RAB8A: variants seen among roughly 807,000 people sequenced by gnomAD.
The protein encoded by RAB8A is ras-related protein Rab-8A.
RAB8A carries 5 observed loss-of-function variants against 29.2 expected under a neutral mutation model. The observed-to-expected ratio is 0.17, with a 90% CI of 0.09 to 0.36. The LOEUF (loss-of-function observed/expected upper bound fraction) is 0.36, where lower values mean the gene tolerates loss of function less well. Among genes scored for constraint, RAB8A ranks in the 10% least tolerant of loss-of-function variants. RAB8A has a pLI of 1.00. For missense variants in RAB8A, 171 were observed against 272.2 expected (o/e 0.63, Z 2.62); for synonymous variants, 108 against 99.9 (o/e 1.08, Z -0.49).
rs2090897331 is a variant in RAB8A, at chr19:16,125,669, G to C, written c.324+122G>C. ...CAGGCCACTTGCCCACAGCCTCCTA[G>C]TCAGGGACATGGTGGGAGCAGGGAC... On this transcript the variant is annotated intron_variant, in intron 4 of 7. Coordinates refer to ENST00000300935, the MANE Select transcript of RAB8A (RefSeq NM_005370.5). The surrounding 1 kb of genome is among the most constrained non-coding windows in gnomAD (Gnocchi z 5.0). 2 of 935,550 alleles carry C rather than the reference G, an allele frequency of 2.1e-6. No homozygotes were observed. The highest frequency in any genetic ancestry group is 1.4e-5 in the South Asian group (1 of 71,384). 58.0% of individuals were successfully genotyped at this position (935,550 alleles called of 1,614,324 possible). A position where few individuals can be genotyped will look rare whatever the true frequency, so the allele number is the denominator to read the frequency against.
rs781537326 is a variant in RAB8A, at chr19:16,132,175, C to T, written c.532-37C>T. The T allele has an allele frequency of 1.3e-6, 2 of 1,496,654 alleles. No homozygotes were observed. The highest frequency in any genetic ancestry group is 4.5e-5 in the East Asian group (2 of 44,324). 92.7% of individuals were successfully genotyped at this position (1,496,654 alleles called of 1,614,324 possible). On this transcript the variant is annotated intron_variant, in intron 7 of 7. Transcript: ENST00000300935. This position sits in a 1 kb window ranked among gnomAD's most constrained non-coding sequence, Gnocchi z 5.6. ...TTGATTGTGAGACGTAGTGCTGATT[C>T]TCAGTGATAACCTCAGAAAACCTCT... is the stretch of plus-strand genomic sequence containing the variant.
In RAB8A at chr19:16,132,558, G is replaced by A. The variant is rs754002505; in HGVS notation, c.*254G>A. On this transcript the variant is annotated 3_prime_UTR_variant, in exon 8 of 8. Coordinates refer to ENST00000300935, the MANE Select transcript of RAB8A (RefSeq NM_005370.5). This position sits in a 1 kb window ranked among gnomAD's most constrained non-coding sequence, Gnocchi z 5.6. The stretch of plus-strand genomic sequence containing the variant: ...ATCTGCTGAACGGGCCCACCCACAC[G>A]TTGTATATTCAGAGAGAGAGAGGGA... 69 of 496,354 alleles carry A rather than the reference G, an allele frequency of 1.4e-4. No individual in the cohort carries two copies. In the Middle Eastern group the frequency reaches 1.7e-3, roughly 12 times the overall value. 30.7% of individuals were successfully genotyped at this position (496,354 alleles called of 1,614,324 possible).
At position 16,125,397 on chromosome 19, in the gene RAB8A, C is replaced by T. The variant is rs979074686; in HGVS notation, c.247-73C>T. 1.5e-6 allele frequency: 2 copies of T among 1,357,698 alleles called. No individual in the cohort carries two copies. The highest frequency in any genetic ancestry group is 1.8e-5 in the Admixed American group (1 of 55,630). 84.1% of individuals were successfully genotyped at this position (1,357,698 alleles called of 1,614,324 possible). ...GGGTGCTGGGCTCCCCACCACTGTTCTCTGGTGCCGCTGAGGCCTCCCTTC... is the reference window on the plus strand; with the variant it reads ...GGGTGCTGGGCTCCCCACCACTGTTTTCTGGTGCCGCTGAGGCCTCCCTTC... On this transcript the variant is annotated intron_variant, in intron 3 of 7. Coordinates refer to ENST00000300935, the MANE Select transcript of RAB8A (RefSeq NM_005370.5). The surrounding 1 kb of genome is among the most constrained non-coding windows in gnomAD (Gnocchi z 5.0).
chr19:16,119,317 T>C lies in RAB8A; in HGVS notation c.185+1031T>C, dbSNP rs1375303672. On this transcript the variant is annotated intron_variant, in intron 2 of 7. Coordinates refer to ENST00000300935, the MANE Select transcript of RAB8A (RefSeq NM_005370.5). Reference sequence around the variant, plus strand: ...GCCCCCCGGGTTCAAGTGATTCTCCTGCCTCAGCCTCCCAAGTAGCTGGTA... The same window carrying C: ...GCCCCCCGGGTTCAAGTGATTCTCCCGCCTCAGCCTCCCAAGTAGCTGGTA... 4.6e-5 allele frequency among the ~76,000 whole-genome samples: 7 copies of C among 152,306 alleles called. No homozygotes were observed. The East Asian group carries it at 1.2e-3, about 25-fold the overall frequency.
intron 1 of RAB8A, among the ~76,000 whole-genome samples, chr19:16,114,373 C>A (rs1337984150): frequency 7.0e-6 from 1 of 141,880 alleles, no homozygotes; most frequent in African/African-American, 2.6e-5. Context: ...CCACAAACCC[C>A]CCTCTTTTTT....
Position 16,118,223 on chromosome 19 carries a change from C to T in RAB8A, c.125-3C>T, listed in dbSNP as rs779748166. Reference sequence around the variant, plus strand: ...GACGTGCCTTTTTTCTTTTTTCTTTCAGGAATTGACTTTAAAATTAGGACC... The same window carrying T: ...GACGTGCCTTTTTTCTTTTTTCTTTTAGGAATTGACTTTAAAATTAGGACC... On this transcript the variant is annotated splice_polypyrimidine_tract_variant and splice_region_variant and intron_variant, in intron 1 of 7. Coordinates refer to ENST00000300935, the MANE Select transcript of RAB8A (RefSeq NM_005370.5). 2 of 1,607,006 alleles carry T rather than the reference C, an allele frequency of 1.2e-6. No homozygotes were observed. The highest frequency in any genetic ancestry group is 1.7e-6 in the Non-Finnish European group (2 of 1,179,252).
chr19:16,113,688 C>T (rs954285830), intron 1 of RAB8A, among the ~76,000 whole-genome samples: 1 of 152,226 alleles, frequency 6.6e-6, no homozygotes, highest in Non-Finnish European at 1.5e-5. Context: ...GCATGAGCCA[C>T]CGCACCCAGC....
At chr19:16,129,726 C>A in intron 7 of RAB8A, 122 bp downstream of exon 7, 1 of 971,442 alleles carries the variant, frequency 1.0e-6, no homozygotes, top group Non-Finnish European at 1.6e-6. Flanking sequence ...CCCCATGGGA[C>A]ATTGCTGGGA....
At chr19:16,115,563 GA>G (rs2090842730) in intron 1 of RAB8A, among the ~76,000 whole-genome samples, 1 of 152,166 alleles carries the variant, frequency 6.6e-6, no homozygotes, top group South Asian at 2.1e-4. Context: ...TGGCATTTGA[GA>G]AAGTGCTTTG....
In RAB8A at chr19:16,125,071, C is replaced by T. The variant is rs1208385172; in HGVS notation, c.247-399C>T. The T allele has an allele frequency of 2.3e-5, 7 of 297,956 alleles. No individual in the cohort carries two copies. The highest frequency in any genetic ancestry group is 1.5e-4 in the East Asian group (2 of 13,586). The allele number at this position is 297,956 out of a possible 1,614,324, so 18.5% of individuals were successfully genotyped here. ...GGTGAGCAAGGGGTGAAGAGGAGGC[C>T]GATTGCAGGGGAGGGTCAGCGTGAG... On this transcript the variant is annotated intron_variant, in intron 3 of 7. Coordinates refer to ENST00000300935, the MANE Select transcript of RAB8A (RefSeq NM_005370.5). The surrounding 1 kb of genome is among the most constrained non-coding windows in gnomAD (Gnocchi z 5.0).
chr19:16,118,210 T>C lies in RAB8A; in HGVS notation c.125-16T>C, dbSNP rs761367096. 16 of 1,604,102 alleles carry C rather than the reference T, an allele frequency of 1.0e-5. No individual in the cohort carries two copies. The highest frequency in any genetic ancestry group is 3.3e-5 in the Admixed American group (2 of 59,966). ...ATGGGCTGACAGTGACGTGCCTTTT[T>C]TCTTTTTTCTTTCAGGAATTGACTT... On this transcript the variant is annotated splice_polypyrimidine_tract_variant and intron_variant, in intron 1 of 7. Transcript: ENST00000300935.
chr19:16,114,597 G>C (rs1489359793), intron 1 of RAB8A, among the ~76,000 whole-genome samples: 2 of 146,518 alleles, frequency 1.4e-5, no homozygotes, highest in Non-Finnish European at 3.0e-5. Context: ...CACCATGTTG[G>C]CCAGGCTGGT....
rs752287434 is a variant in RAB8A at position 16,127,729 on chromosome 19, GCC to G, written c.414+206_414+207del. On this transcript the variant is annotated intron_variant, in intron 5 of 7. Transcript: ENST00000300935. This position sits in a 1 kb window ranked among gnomAD's most constrained non-coding sequence, Gnocchi z 4.8. ...GGGCATCTCATCAAAACCTACCATG[GCC>G]CCGCTCCAGACTTTCAAGACCACAG... The G allele has an allele frequency of 8.3e-6, 5 of 603,048 alleles. No homozygotes were observed. Among genetic ancestry groups the G allele is most frequent in the Non-Finnish European group, 1.5e-5 (5 of 340,792 alleles). 37.4% of individuals were successfully genotyped at this position (603,048 alleles called of 1,614,324 possible).
intron 1 of RAB8A, among the ~76,000 whole-genome samples, chr19:16,115,156 C>T (rs116300896): frequency 0.014 from 2,179 of 151,166 alleles, 50 homozygotes; most frequent in African/African-American, 0.051. Context: ...TACGTGGTGG[C>T]GCTTGCCTGT....
At chr19:16,121,089 G>A (rs1418021282) in intron 2 of RAB8A, among the ~76,000 whole-genome samples, 1 of 151,344 alleles carries the variant, frequency 6.6e-6, no homozygotes, top group Non-Finnish European at 1.5e-5. Context: ...GCTAATTTTT[G>A]TATTTTTTGT....
chr19:16,113,489 C>T (rs1043256334), intron 1 of RAB8A, among the ~76,000 whole-genome samples: 1 of 152,122 alleles, frequency 6.6e-6, no homozygotes, highest in African/African-American at 2.4e-5. Context: ...ACAACCTCTG[C>T]CTCCCGGGTT....
In RAB8A at chr19:16,125,437, G is replaced by A. The variant is rs183072612; in HGVS notation, c.247-33G>A. The A allele has an allele frequency of 1.9e-4, 299 of 1,593,156 alleles. No homozygotes were observed. The African/African-American group carries it at 3.2e-3, about 17-fold the overall frequency. ...GGCCTCCCTTCCAGAGCCTGCAGCC[G>A]ATCAGGCACCTGTGTCTTCTCTCCC... is the stretch of plus-strand genomic sequence containing the variant. On this transcript the variant is annotated intron_variant, in intron 3 of 7. Coordinates refer to ENST00000300935, the MANE Select transcript of RAB8A (RefSeq NM_005370.5). This position sits in a 1 kb window ranked among gnomAD's most constrained non-coding sequence, Gnocchi z 5.0.
intron 2 of RAB8A, among the ~76,000 whole-genome samples, chr19:16,118,684 A>G (rs568400127): frequency 2.0e-5 from 3 of 152,182 alleles, no homozygotes; most frequent in African/African-American, 7.2e-5. Flanking sequence ...GAGCCTCTCA[A>G]CCCACTCAGA....
At position 16,132,568 on chromosome 19, in the gene RAB8A, C is replaced by G. The variant is rs551631793; in HGVS notation, c.*264C>G. Reference sequence around the variant, plus strand: ...CGGGCCCACCCACACGTTGTATATTCAGAGAGAGAGAGGGAGTCAAGGTGT... The same window carrying G: ...CGGGCCCACCCACACGTTGTATATTGAGAGAGAGAGAGGGAGTCAAGGTGT... On this transcript the variant is annotated 3_prime_UTR_variant, in exon 8 of 8. Transcript: ENST00000300935. The surrounding 1 kb of genome is among the most constrained non-coding windows in gnomAD (Gnocchi z 5.6). 40 of 468,256 alleles carry G rather than the reference C, an allele frequency of 8.5e-5. No homozygotes were observed. The highest frequency in any genetic ancestry group is 6.5e-4 in the African/African-American group (33 of 50,472). 29.0% of individuals were successfully genotyped at this position (468,256 alleles called of 1,614,324 possible).
Sources: allele counts gnomAD v4.1 joint callset (sites outside exome capture counted in the v4.1 genomes callset), GRCh38; gene constraint gnomAD v4.1.1; non-coding constraint Gnocchi (gnomAD v3.1); transcripts MANE v1.5; gene names NCBI Gene and HGNC (gene_info 2026-07-23, HGNC 2026-07-21).